The following DAB1 variants were observed in gnomAD, a reference collection of about 807,000 sequenced individuals.
DAB1 encodes DAB adaptor protein 1.
Under a neutral mutation model 64.6 loss-of-function variants are expected in DAB1, and 15 were observed. That is an observed-to-expected ratio of 0.23 (90% CI 0.16 to 0.36). The LOEUF is 0.36. Ranked by LOEUF, DAB1 falls within the 10% of genes least tolerant of loss-of-function variation. The probability of loss-of-function intolerance (pLI) is 1.00; values close to 1 mark genes in which losing one functional copy is unlikely to be tolerated. For synonymous variants in DAB1, 235 were observed against 251.9 expected, an observed-to-expected ratio of 0.93 and a Z score of 0.64; for missense variants, 596 against 706.7, an observed-to-expected ratio of 0.84 and a Z score of 1.78.
chr1:58,015,232 G>T (rs1326003309), intron 5 of DAB1, among the ~76,000 whole-genome samples: 1 of 152,228 alleles, frequency 6.6e-6, no homozygotes, highest in East Asian at 1.9e-4. Context: ...TTCCTCTTCA[G>T]AGCCAACTCT....
At position 57,745,399 on chromosome 1, in the gene DAB1, G is replaced by T. The variant is rs533531802; in HGVS notation, n.552-95734C>A. On this transcript the variant is annotated intron_variant and non_coding_transcript_variant, in intron 6 of 20. Transcript: ENST00000485760. ...TTAATTTGCTTAATATTTTATATTT[G>T]ATTTTTAGCAAACAATTATACTACT... is the stretch of plus-strand genomic sequence containing the variant. 2.6e-5 allele frequency among the ~76,000 whole-genome samples: 4 copies of T among 152,242 alleles called. No homozygotes were observed. The East Asian group carries it at 5.8e-4, about 22-fold the overall frequency.
chr1:57,306,374 C>A (rs886939891), intron 1 of DAB1, among the ~76,000 whole-genome samples: 1 of 152,118 alleles, frequency 6.6e-6, no homozygotes, highest in African/African-American at 2.4e-5. Flanking sequence ...TAATAAGATG[C>A]AAGAAAGCTC....
chr1:57,816,625 G>C (rs1336128697), intron 6 of DAB1, among the ~76,000 whole-genome samples: 3 of 152,160 alleles, frequency 2.0e-5, no homozygotes, highest in Non-Finnish European at 2.9e-5. Flanking sequence ...AGCCAGTGTG[G>C]ATTAGGAGGA....
intron 6 of DAB1, among the ~76,000 whole-genome samples, chr1:57,717,250 TAAATAA>T (rs1302712412): frequency 1.4e-5 from 2 of 140,998 alleles, no homozygotes; most frequent in Non-Finnish European, 3.1e-5. Flanking sequence ...TTTAAAAGAA[TAAATAA>T]AAATAAAAAT....
At chr1:58,082,830 G>T (rs1014383058) in intron 5 of DAB1, among the ~76,000 whole-genome samples, 2 of 152,118 alleles carry the variant, frequency 1.3e-5, no homozygotes, top group Admixed American at 6.5e-5. Flanking sequence ...TGGCCACCAG[G>T]AGTTTGGACA....
intron 4 of DAB1, among the ~76,000 whole-genome samples, chr1:58,305,629 A>T (rs1481811160): frequency 6.6e-6 from 1 of 152,246 alleles, no homozygotes; most frequent in Non-Finnish European, 1.5e-5. Context: ...AAGTTATCAG[A>T]TCAAAGCATA....
chr1:57,748,690 CT>C (rs1648401538), intron 6 of DAB1, among the ~76,000 whole-genome samples: 1 of 152,142 alleles, frequency 6.6e-6, no homozygotes, highest in Non-Finnish European at 1.5e-5. Context: ...TAGTGAGCCC[CT>C]ACCACCTTAG....
intron 4 of DAB1, among the ~76,000 whole-genome samples, chr1:58,237,286 G>A (rs531719668): frequency 5.3e-5 from 8 of 152,294 alleles, no homozygotes; most frequent in African/African-American, 1.7e-4. Flanking sequence ...TTGCACGTAC[G>A]TAGATGAAAA....
intron 5 of DAB1, among the ~76,000 whole-genome samples, chr1:57,968,686 A>G (rs1422794780): frequency 1.3e-5 from 2 of 152,216 alleles, no homozygotes; most frequent in African/African-American, 4.8e-5. Context: ...CATCTAAAAA[A>G]ATGAGAGATG....
chr1:57,133,359 T>C (rs1272324144), intron 4 of DAB1, among the ~76,000 whole-genome samples: 2 of 152,192 alleles, frequency 1.3e-5, no homozygotes, highest in African/African-American at 4.8e-5. Flanking sequence ...CTAGAAAGCC[T>C]TGGAGTTGAA....
At chr1:58,490,504 T>C (rs1477812795) in intron 3 of DAB1, among the ~76,000 whole-genome samples, 1 of 152,190 alleles carries the variant, frequency 6.6e-6, no homozygotes, top group Non-Finnish European at 1.5e-5. Flanking sequence ...TGGAACCAAG[T>C]TGGAAAACAC....
chr1:57,800,401 G>T (rs983332992), intron 6 of DAB1, among the ~76,000 whole-genome samples: 1 of 152,198 alleles, frequency 6.6e-6, no homozygotes, highest in African/African-American at 2.4e-5. Context: ...CACATTGCTT[G>T]CAAGTGTATC....
At chr1:57,791,959 T>C (rs1650620597) in intron 6 of DAB1, among the ~76,000 whole-genome samples, 1 of 152,184 alleles carries the variant, frequency 6.6e-6, no homozygotes, top group Admixed American at 6.5e-5. Flanking sequence ...GAATTTATGC[T>C]CTCTTCTAGC....
chr1:57,199,405 TG>T (rs1664909042), intron 2 of DAB1, among the ~76,000 whole-genome samples: 1 of 152,154 alleles, frequency 6.6e-6, no homozygotes, highest in South Asian at 2.1e-4. Flanking sequence ...TGCAAACACC[TG>T]GAGAGAAGCA....
intron 6 of DAB1, among the ~76,000 whole-genome samples, chr1:57,804,784 G>C (rs956874111): frequency 6.6e-6 from 1 of 152,200 alleles, no homozygotes; most frequent in South Asian, 2.1e-4. Context: ...TGTACTGGTA[G>C]TGCTTAATAA....
chr1:57,150,481 C>T (rs776525169), intron 2 of DAB1, among the ~76,000 whole-genome samples: 2 of 152,204 alleles, frequency 1.3e-5, no homozygotes, highest in Non-Finnish European at 2.9e-5. Flanking sequence ...GTGCTAGCTT[C>T]CAGTGGTACA....
In DAB1 at chr1:58,087,932, A is replaced by T. The variant is rs536695803; in HGVS notation, n.387+62579T>A. On this transcript the variant is annotated intron_variant and non_coding_transcript_variant, in intron 5 of 20. Transcript: ENST00000485760. ...GATAGAACATAAATATGAATTAAGT[A>T]TAGTTCCTGACTTCCTGGTGTTCCC... 2.0e-5 allele frequency among the ~76,000 whole-genome samples: 3 copies of T among 152,332 alleles called. No homozygotes were observed. The South Asian group carries it at 6.2e-4, about 32-fold the overall frequency.
intron 1 of DAB1, among the ~76,000 whole-genome samples, chr1:57,365,194 A>G (rs1295179524): frequency 1.4e-5 from 2 of 139,276 alleles, no homozygotes; most frequent in East Asian, 4.0e-4. Flanking sequence ...TATAAAGAAT[A>G]TATATAAATA....
chr1:58,379,138 T>G (rs1644364575), intron 3 of DAB1, among the ~76,000 whole-genome samples: 1 of 152,020 alleles, frequency 6.6e-6, no homozygotes. Flanking sequence ...ATCACCCGTC[T>G]TCTGCGTCGC....
Sources: allele counts gnomAD v4.1 joint callset (sites outside exome capture counted in the v4.1 genomes callset), GRCh38; gene constraint gnomAD v4.1.1; transcripts MANE v1.5; gene names NCBI Gene and HGNC (gene_info 2026-07-23, HGNC 2026-07-21).